TGFBR2: variants seen among roughly 807,000 people sequenced by gnomAD.
The protein encoded by TGFBR2 is transforming growth factor beta receptor 2, also known as TGF-beta receptor type-2.
In TGFBR2, 18 loss-of-function variants were observed where a neutral mutation model predicts 49.0. The observed-to-expected ratio is 0.37, with a 90% CI of 0.25 to 0.54. The LOEUF (loss-of-function observed/expected upper bound fraction) is 0.54. Ranked by LOEUF, TGFBR2 falls within the 20% of genes least tolerant of loss-of-function variation. The pLI is 0.85. For missense variants in TGFBR2, 525 were observed against 722.6 expected, an observed-to-expected ratio of 0.73 and a Z score of 3.13; for synonymous variants, 282 against 275.9, an observed-to-expected ratio of 1.02 and a Z score of -0.22.
At position 30,610,257 on chromosome 3, in the gene TGFBR2, C is replaced by A. The variant is rs1698004103; in HGVS notation, c.94+3280C>A. ...GTAAAGAAAAGGATACGTGTTTTAA[C>A]TGTTTATATTTGAAAGCATTATGGA... On this transcript the variant is annotated intron_variant, in intron 1 of 6. Transcript: ENST00000295754. 2.6e-5 allele frequency among the ~76,000 whole-genome samples: 4 copies of A among 152,098 alleles called. No individual in the cohort carries two copies. The South Asian group carries it at 8.3e-4, about 32-fold the overall frequency.
chr3:30,661,927 T>C (rs1446387033), intron 3 of TGFBR2, among the ~76,000 whole-genome samples: 1 of 152,188 alleles, frequency 6.6e-6, no homozygotes, highest in Non-Finnish European at 1.5e-5. Flanking sequence ...AGGCTGATTT[T>C]AGGGTCTGAT....
At chr3:30,660,648 A>G (rs991694) in intron 3 of TGFBR2, among the ~76,000 whole-genome samples, 138,189 of 152,236 alleles carry the variant, frequency 0.91, 62,919 homozygotes, top group East Asian at 0.99. Context: ...GTTTTACCCC[A>G]TCCTTGGAGG....
intron 1 of TGFBR2, among the ~76,000 whole-genome samples, chr3:30,644,383 AT>A (rs1430146033): frequency 6.6e-6 from 1 of 152,014 alleles, no homozygotes; most frequent in African/African-American, 2.4e-5. Context: ...CTAAACTATA[AT>A]TTCCTTAAGG....
intron 5 of TGFBR2, among the ~76,000 whole-genome samples, chr3:30,683,358 C>T (rs1255598159): frequency 6.6e-6 from 1 of 152,164 alleles, no homozygotes; most frequent in Non-Finnish European, 1.5e-5. Flanking sequence ...CCTTTAATAG[C>T]AGTTTGATGT....
intron 3 of TGFBR2, among the ~76,000 whole-genome samples, chr3:30,665,352 A>C (rs1699223546): frequency 6.6e-6 from 1 of 152,258 alleles, no homozygotes; most frequent in Non-Finnish European, 1.5e-5. Context: ...AAAATGTTGT[A>C]GAAGCAACCA....
chr3:30,673,437 A>G (rs1041650992), intron 4 of TGFBR2, among the ~76,000 whole-genome samples: 1 of 152,198 alleles, frequency 6.6e-6, no homozygotes, highest in Non-Finnish European at 1.5e-5. Context: ...CCTTTTTCAT[A>G]TGGATCCGAC....
rs142745018 is a variant in TGFBR2 at position 30,692,457 on chromosome 3, C to T, written c.*858C>T. 2.6e-3 allele frequency: 598 copies of T among 231,964 alleles called. 1 individual carries two copies. Among genetic ancestry groups the T allele is most frequent in the Non-Finnish European group, 3.8e-3 (449 of 117,136 alleles). 14.4% of individuals were successfully genotyped at this position (231,964 alleles called of 1,614,324 possible). A position where few individuals can be genotyped will look rare whatever the true frequency, so the allele number is the denominator to read the frequency against. Reference sequence around the variant, plus strand: ...ATCAGAACAGATGTCCCCATCCATGCGATTGCCCCACCATCTACTAATGAA... The same window carrying T: ...ATCAGAACAGATGTCCCCATCCATGTGATTGCCCCACCATCTACTAATGAA... On this transcript the variant is annotated 3_prime_UTR_variant, in exon 7 of 7. Transcript: ENST00000295754.
intron 1 of TGFBR2, among the ~76,000 whole-genome samples, chr3:30,629,799 C>T (rs1015705255): frequency 2.0e-5 from 3 of 152,214 alleles, no homozygotes; most frequent in East Asian, 1.9e-4. Context: ...AAGTACAGCG[C>T]GAGGGTCTGA....
intron 5 of TGFBR2, among the ~76,000 whole-genome samples, chr3:30,679,876 C>A (rs1409686583): frequency 3.3e-5 from 5 of 152,124 alleles, no homozygotes; most frequent in Non-Finnish European, 5.9e-5. Context: ...GCCTGTAATC[C>A]CAGCACTTTG....
intron 5 of TGFBR2, among the ~76,000 whole-genome samples, chr3:30,675,439 T>C (rs1699418622): frequency 6.7e-6 from 1 of 149,344 alleles, no homozygotes; most frequent in African/African-American, 2.5e-5. Flanking sequence ...CAGGCTGGAG[T>C]GCAATGGCGC....
chr3:30,662,515 A>G (rs6792117), intron 3 of TGFBR2, among the ~76,000 whole-genome samples: 69,522 of 152,084 alleles, frequency 0.46, 16,458 homozygotes, highest in Non-Finnish European at 0.53. Flanking sequence ...TTCTTTCATC[A>G]TTTGAGGAAA....
At chr3:30,622,697 T>C (rs1698252807) in intron 1 of TGFBR2, among the ~76,000 whole-genome samples, 1 of 151,734 alleles carries the variant, frequency 6.6e-6, no homozygotes, top group South Asian at 2.1e-4. Flanking sequence ...CTGACCAACA[T>C]GGTGAAACCC....
intron 1 of TGFBR2, among the ~76,000 whole-genome samples, chr3:30,640,175 G>A (rs963351710): frequency 3.3e-5 from 5 of 152,194 alleles, no homozygotes; most frequent in African/African-American, 1.2e-4. Context: ...CTTATTTGAA[G>A]AGAAGTGAAA....
rs556582805 is a variant in TGFBR2 at position 30,664,071 on chromosome 3, A to C, written c.455-7567A>C. 2.6e-3 allele frequency among the ~76,000 whole-genome samples: 390 copies of C among 151,886 alleles called. 2 individuals carry two copies. Among genetic ancestry groups the C allele is most frequent in the African/African-American group, 9.0e-3 (373 of 41,406 alleles). On this transcript the variant is annotated intron_variant, in intron 3 of 6. Transcript: ENST00000295754. ...ACCATTATAGCTCACTGCAGTCTTG[A>C]ACTTCTGGGCTCGTGATCCTCCTGC... is the stretch of plus-strand genomic sequence containing the variant.
At chr3:30,628,757 C>T (rs1698383659) in intron 1 of TGFBR2, among the ~76,000 whole-genome samples, 1 of 151,996 alleles carries the variant, frequency 6.6e-6, no homozygotes. Flanking sequence ...CTGACATGAG[C>T]CTTTACAGGT....
chr3:30,629,225 C>CTG (rs1316827403), intron 1 of TGFBR2, among the ~76,000 whole-genome samples: 3 of 152,202 alleles, frequency 2.0e-5, no homozygotes, highest in African/African-American at 7.2e-5. Context: ...TGACTTGGAA[C>CTG]TGAATGTATG....
At chr3:30,666,413 A>G (rs1699243995) in intron 3 of TGFBR2, among the ~76,000 whole-genome samples, 1 of 152,296 alleles carries the variant, frequency 6.6e-6, no homozygotes, top group East Asian at 1.9e-4. Context: ...AAAAAGATGC[A>G]TATTTACAGA....
chr3:30,660,114 A>G (rs1461082), intron 3 of TGFBR2, among the ~76,000 whole-genome samples: 61,957 of 152,062 alleles, frequency 0.41, 13,115 homozygotes, highest in Non-Finnish European at 0.46. Context: ...TTTTAGAGAA[A>G]TAATTTATAT....
At chr3:30,612,016 T>G (rs1698039533) in intron 1 of TGFBR2, among the ~76,000 whole-genome samples, 1 of 152,210 alleles carries the variant, frequency 6.6e-6, no homozygotes, top group Non-Finnish European at 1.5e-5. Context: ...CACTCTCTAC[T>G]TTCCTGGTAA....
Sources: allele counts gnomAD v4.1 joint callset (sites outside exome capture counted in the v4.1 genomes callset), GRCh38; gene constraint gnomAD v4.1.1; transcripts MANE v1.5; gene names NCBI Gene and HGNC (gene_info 2026-07-23, HGNC 2026-07-21).